ST6GALNAC5: variants seen among roughly 807,000 people sequenced by gnomAD.
ST6GALNAC5 encodes the protein alpha-N-acetylgalactosaminide alpha-2,6-sialyltransferase 5.
A neutral mutation model predicts 33.6 loss-of-function variants in ST6GALNAC5; 27 were observed. The observed-to-expected ratio is 0.80, with a 90% CI of 0.59 to 1.11. The LOEUF (loss-of-function observed/expected upper bound fraction) is 1.11, where lower values mean the gene tolerates loss of function less well. ST6GALNAC5 is among the 50% of genes least tolerant of loss of function. The pLI is 0.00. For synonymous variants in ST6GALNAC5, 194 were observed against 171.2 expected, an observed-to-expected ratio of 1.13 and a Z score of -1.04; for missense variants, 428 against 454.0, an observed-to-expected ratio of 0.94 and a Z score of 0.52.
Position 76,867,712 on chromosome 1 carries a change from C to T in ST6GALNAC5, c.15+22C>T, listed in dbSNP as rs780122805. Reference sequence around the variant, plus strand: ...GATGGTGAGTCAGTTGTGGCAACTCCACCGGGCAAAGAGGGGGATCCCCGG... The same window carrying T: ...GATGGTGAGTCAGTTGTGGCAACTCTACCGGGCAAAGAGGGGGATCCCCGG... On this transcript the variant is annotated intron_variant, in intron 1 of 4. Coordinates refer to ENST00000477717, the MANE Select transcript of ST6GALNAC5 (RefSeq NM_030965.3). 3.7e-6 allele frequency: 6 copies of T among 1,613,910 alleles called. No homozygotes were observed. In the East Asian group the frequency reaches 8.9e-5, roughly 24 times the overall value.
chr1:76,900,610 C>G (rs2100264834), intron 2 of ST6GALNAC5, among the ~76,000 whole-genome samples: 1 of 152,260 alleles, frequency 6.6e-6, no homozygotes, highest in South Asian at 2.1e-4. Flanking sequence ...GATACCTAGT[C>G]AAAGCAGTTG....
chr1:77,067,159 G>A lies in ST6GALNAC5; in HGVS notation c.*3953G>A, dbSNP rs979874829. On this transcript the variant is annotated 3_prime_UTR_variant, in exon 5 of 5. Coordinates refer to ENST00000477717, the MANE Select transcript of ST6GALNAC5 (RefSeq NM_030965.3). ...AAAGAGAACTATAATAATAAGCCCT[G>A]GGGGGCAGGATGTGTGAACCAATTG... Among the ~76,000 whole-genome samples, 1 of 59,098 alleles carries A rather than the reference G, an allele frequency of 1.7e-5. No homozygotes were observed. The highest frequency in any genetic ancestry group is 3.0e-5 in the Non-Finnish European group (1 of 33,244). The allele number at this position is 59,098 out of a possible 152,430, so 38.8% of individuals were successfully genotyped here. A position where few individuals can be genotyped will look rare whatever the true frequency, so the allele number is the denominator to read the frequency against.
At chr1:76,957,312 G>A (rs571685207) in intron 2 of ST6GALNAC5, among the ~76,000 whole-genome samples, 16 of 152,228 alleles carry the variant, frequency 1.1e-4, no homozygotes, top group Non-Finnish European at 1.5e-4. Context: ...GGCATTCCTC[G>A]AATCTTTGAC....
In ST6GALNAC5 at chr1:77,065,405, T is replaced by G. The variant is rs1652741600; in HGVS notation, c.*2199T>G. 1 of 152,182 alleles carries G rather than the reference T, an allele frequency of 6.6e-6. No homozygotes were observed. Among genetic ancestry groups the G allele is most frequent in the Admixed American group, 6.5e-5 (1 of 15,276 alleles). The allele number at this position is 152,182 out of a possible 1,614,324, so 9.4% of individuals were successfully genotyped here. A position where few individuals can be genotyped will look rare whatever the true frequency, so the allele number is the denominator to read the frequency against. On this transcript the variant is annotated 3_prime_UTR_variant, in exon 5 of 5. Coordinates refer to ENST00000477717, the MANE Select transcript of ST6GALNAC5 (RefSeq NM_030965.3). ...CTCCATCTCGTTTGTAACTTCTCCC[T>G]CTCAAATACTCAGAAGAATGAAGAG...
intron 2 of ST6GALNAC5, among the ~76,000 whole-genome samples, chr1:77,007,522 C>A (rs1006610293): frequency 1.3e-5 from 2 of 152,158 alleles, no homozygotes. Context: ...ATGTTTGGAT[C>A]CCTAGCACAT....
intron 2 of ST6GALNAC5, among the ~76,000 whole-genome samples, chr1:76,998,283 C>T (rs1186368859): frequency 1.3e-5 from 2 of 152,014 alleles, no homozygotes; most frequent in Non-Finnish European, 2.9e-5. Flanking sequence ...TGAGGTCTAG[C>T]TATTCAGGAG....
chr1:76,889,650 G>T (rs756644667), intron 2 of ST6GALNAC5, among the ~76,000 whole-genome samples: 2 of 151,952 alleles, frequency 1.3e-5, no homozygotes, highest in African/African-American at 2.4e-5. Context: ...TAAGTACATT[G>T]TCTCCCCTTA....
chr1:77,039,589 G>C (rs1470194489), intron 2 of ST6GALNAC5, among the ~76,000 whole-genome samples: 1 of 152,166 alleles, frequency 6.6e-6, no homozygotes, highest in Non-Finnish European at 1.5e-5. Context: ...ATAAGGCAGG[G>C]GGTTGGGTTT....
intron 4 of ST6GALNAC5, among the ~76,000 whole-genome samples, chr1:77,061,043 G>T (rs1234305276): frequency 1.3e-5 from 2 of 152,006 alleles, no homozygotes; most frequent in Non-Finnish European, 2.9e-5. Flanking sequence ...TTTGTTAGAA[G>T]GCATTTTTTG....
intron 2 of ST6GALNAC5, among the ~76,000 whole-genome samples, chr1:76,944,403 G>T (rs1421392066): frequency 6.6e-6 from 1 of 152,032 alleles, no homozygotes; most frequent in Non-Finnish European, 1.5e-5. Context: ...ACAGGCCCAA[G>T]GGAGATGAGT....
chr1:76,984,258 C>T (rs1197499161), intron 2 of ST6GALNAC5, among the ~76,000 whole-genome samples: 1 of 152,124 alleles, frequency 6.6e-6, no homozygotes, highest in Non-Finnish European at 1.5e-5. Flanking sequence ...AATTGATAGA[C>T]TGCTAGCAAG....
chr1:76,976,519 T>C (rs1472371284), intron 2 of ST6GALNAC5, among the ~76,000 whole-genome samples: 1 of 152,172 alleles, frequency 6.6e-6, no homozygotes, highest in Non-Finnish European at 1.5e-5. Context: ...AAAGATTTAA[T>C]AAAAGTTCCC....
At chr1:76,972,388 G>A (rs975518634) in intron 2 of ST6GALNAC5, among the ~76,000 whole-genome samples, 2 of 152,102 alleles carry the variant, frequency 1.3e-5, no homozygotes, top group African/African-American at 4.8e-5. Context: ...TGGGGACACA[G>A]CCAAACCATT....
chr1:77,067,161 G>GT lies in ST6GALNAC5; in HGVS notation c.*3955_*3956insT, dbSNP rs1283430812. Among the ~76,000 whole-genome samples the GT allele has an allele frequency of 6.6e-6, 1 of 151,978 alleles. No homozygotes were observed. The highest frequency in any genetic ancestry group is 2.4e-5 in the African/African-American group (1 of 41,354). ...AGAGAACTATAATAATAAGCCCTGG[G>GT]GGGCAGGATGTGTGAACCAATTGCC... On this transcript the variant is annotated 3_prime_UTR_variant, in exon 5 of 5. Transcript: ENST00000477717.
At chr1:76,993,102 T>C (rs964364292) in intron 2 of ST6GALNAC5, among the ~76,000 whole-genome samples, 3 of 152,208 alleles carry the variant, frequency 2.0e-5, no homozygotes, top group Non-Finnish European at 2.9e-5. Flanking sequence ...CTGTGTGCCA[T>C]GCCCCTTTTG....
At position 77,064,569 on chromosome 1, in the gene ST6GALNAC5, T is replaced by A. The variant is rs1652712831; in HGVS notation, c.*1363T>A. The A allele has an allele frequency of 6.6e-6, 1 of 152,122 alleles. No individual in the cohort carries two copies. Among genetic ancestry groups the A allele is most frequent in the Non-Finnish European group, 1.5e-5 (1 of 68,008 alleles). The allele number at this position is 152,122 out of a possible 1,614,324, so 9.4% of individuals were successfully genotyped here. ...ATGAACTGTTTAGACTCACTACAAA[T>A]CTTCTTAGATTATATTCATTACCAT... On this transcript the variant is annotated 3_prime_UTR_variant, in exon 5 of 5. Transcript: ENST00000477717.
intron 2 of ST6GALNAC5, among the ~76,000 whole-genome samples, chr1:76,990,816 T>C (rs1027865006): frequency 6.6e-6 from 1 of 152,188 alleles, no homozygotes; most frequent in African/African-American, 2.4e-5. Context: ...ATATGAACCC[T>C]CATTTAGGGT....
At chr1:77,026,688 T>C (rs1651250081) in intron 2 of ST6GALNAC5, among the ~76,000 whole-genome samples, 1 of 152,234 alleles carries the variant, frequency 6.6e-6, no homozygotes, top group South Asian at 2.1e-4. Context: ...CCAGTTTGTA[T>C]ATAGCCTCCT....
At chr1:76,961,105 T>C (rs1648219687) in intron 2 of ST6GALNAC5, among the ~76,000 whole-genome samples, 1 of 152,186 alleles carries the variant, frequency 6.6e-6, no homozygotes, top group African/African-American at 2.4e-5. Flanking sequence ...ATTATAAAAG[T>C]ATTAATTTGG....
Sources: gnomAD v4.1 joint callset for allele counts (sites outside exome capture counted in the v4.1 genomes callset) on GRCh38, gnomAD v4.1.1 for gene constraint, MANE v1.5 for transcripts, NCBI Gene and HGNC (gene_info 2026-07-23, HGNC 2026-07-21) for gene names.